HS3ST2: variants seen among roughly 807,000 people sequenced by gnomAD.
The protein encoded by HS3ST2 is heparan sulfate glucosamine 3-O-sulfotransferase 2.
HS3ST2 carries 17 observed loss-of-function variants against 26.3 expected under a neutral mutation model. The ratio of observed to expected loss-of-function variants is 0.65; its 90% CI spans 0.44 to 0.97. HS3ST2 has a LOEUF of 0.97. Ranked by LOEUF, HS3ST2 falls within the 50% of genes least tolerant of loss-of-function variation. HS3ST2 has a pLI of 0.00. For synonymous variants in HS3ST2, 237 were observed against 219.2 expected (o/e 1.08, Z -0.72); for missense variants, 402 against 501.2 (o/e 0.80, Z 1.89).
intron 1 of HS3ST2, among the ~76,000 whole-genome samples, chr16:22,838,737 C>A (rs897872522): frequency 6.6e-6 from 1 of 152,134 alleles, no homozygotes; most frequent in Non-Finnish European, 1.5e-5. Context: ...GGCAGGCAGT[C>A]GATGAAAAGT....
At chr16:22,904,895 G>A (rs1259734917) in intron 1 of HS3ST2, among the ~76,000 whole-genome samples, 2 of 152,222 alleles carry the variant, frequency 1.3e-5, no homozygotes, top group Non-Finnish European at 1.5e-5. Context: ...CCCACGGTAT[G>A]AGAGGGGGCT....
At chr16:22,839,903 A>G (rs557390165) in intron 1 of HS3ST2, among the ~76,000 whole-genome samples, 1 of 152,338 alleles carries the variant, frequency 6.6e-6, no homozygotes, top group East Asian at 1.9e-4. Flanking sequence ...GATCTTTACA[A>G]AGGGCCTTTC....
intron 1 of HS3ST2, among the ~76,000 whole-genome samples, chr16:22,894,796 C>T (rs1414194801): frequency 1.3e-5 from 2 of 151,502 alleles, no homozygotes; most frequent in African/African-American, 4.8e-5. Flanking sequence ...CACTGCACTC[C>T]AGCCTGGGAG....
intron 1 of HS3ST2, among the ~76,000 whole-genome samples, chr16:22,864,882 C>CAA (rs34942780): frequency 1.2e-4 from 7 of 57,126 alleles, no homozygotes; most frequent in Non-Finnish European, 1.8e-4. Flanking sequence ...CCTGTCTCCA[C>CAA]AAAAAAAAAA....
chr16:22,841,219 G>C (rs1285761777), intron 1 of HS3ST2, among the ~76,000 whole-genome samples: 1 of 152,004 alleles, frequency 6.6e-6, no homozygotes, highest in Non-Finnish European at 1.5e-5. Flanking sequence ...CCACCAGCAT[G>C]CCCAGCTAAT....
chr16:22,834,144 T>C (rs1356886452), intron 1 of HS3ST2, among the ~76,000 whole-genome samples: 3 of 152,192 alleles, frequency 2.0e-5, no homozygotes, highest in African/African-American at 7.2e-5. Context: ...TATATCTTTT[T>C]CATTTTTTTG....
At chr16:22,831,959 A>T (rs1426968538) in intron 1 of HS3ST2, among the ~76,000 whole-genome samples, 4 of 152,080 alleles carry the variant, frequency 2.6e-5, no homozygotes, top group Non-Finnish European at 4.4e-5. Flanking sequence ...TTACTGGAAG[A>T]TAATTTTAAA....
At chr16:22,826,238 G>T (rs1188299634) in intron 1 of HS3ST2, among the ~76,000 whole-genome samples, 4 of 152,044 alleles carry the variant, frequency 2.6e-5, no homozygotes, top group Non-Finnish European at 5.9e-5. Context: ...TAGAGGAGGG[G>T]CCCCCACCCA....
chr16:22,882,229 G>A (rs967835907), intron 1 of HS3ST2, among the ~76,000 whole-genome samples: 20 of 152,240 alleles, frequency 1.3e-4, no homozygotes, highest in Non-Finnish European at 2.9e-4. Flanking sequence ...AGGCATGGCG[G>A]TGCACACCTG....
intron 1 of HS3ST2, chr16:22,854,881 C>T (rs1901567681): frequency 6.6e-6 from 1 of 152,186 alleles, no homozygotes. Context: ...CTCAAGTGAT[C>T]CTCCCATCTT....
intron 1 of HS3ST2, among the ~76,000 whole-genome samples, chr16:22,847,871 AAAG>A (rs1414881315): frequency 2.0e-5 from 3 of 147,906 alleles, no homozygotes; most frequent in South Asian, 4.2e-4. Context: ...AAAGAAAAAA[AAAG>A]AAAGAAAGAG....
In HS3ST2 at chr16:22,824,554, G is replaced by GCAAA. The variant is rs145348324; in HGVS notation, c.485+9485_485+9488dup. On this transcript the variant is annotated intron_variant, in intron 1 of 1. Transcript: ENST00000261374. ...AGGGCGAGACTCCGCCAAAAAGCAAGCAAACAAACAAACAAACAAACAAAC... is the reference window on the plus strand; with the variant it reads ...AGGGCGAGACTCCGCCAAAAAGCAAGCAAACAAACAAACAAACAAACAAACAAAC... 1.2e-3 allele frequency among the ~76,000 whole-genome samples: 182 copies of GCAAA among 152,096 alleles called. 3 individuals carry two copies. The highest frequency in any genetic ancestry group is 9.0e-3 in the South Asian group (43 of 4,800).
intron 1 of HS3ST2, among the ~76,000 whole-genome samples, chr16:22,823,513 G>T (rs1035838417): frequency 1.3e-5 from 2 of 152,094 alleles, no homozygotes; most frequent in Non-Finnish European, 1.5e-5. Flanking sequence ...CCAATGATGG[G>T]CTGGGTGCGG....
intron 1 of HS3ST2, among the ~76,000 whole-genome samples, chr16:22,873,364 C>G (rs925127215): frequency 2.0e-5 from 3 of 152,198 alleles, no homozygotes; most frequent in Non-Finnish European, 4.4e-5. Flanking sequence ...AGCTCAAAGG[C>G]TGGAACATGG....
At chr16:22,859,478 T>A (rs184872970) in intron 1 of HS3ST2, among the ~76,000 whole-genome samples, 1 of 152,336 alleles carries the variant, frequency 6.6e-6, no homozygotes, top group Non-Finnish European at 1.5e-5. Flanking sequence ...GCATCACTGA[T>A]TTACTGCTTA....
chr16:22,868,028 C>T lies in HS3ST2; in HGVS notation c.486-46916C>T, dbSNP rs144315139. 5.9e-5 allele frequency among the ~76,000 whole-genome samples: 9 copies of T among 152,094 alleles called. 1 individual carries two copies. Among genetic ancestry groups the T allele is most frequent in the Middle Eastern group, 6.3e-3 (2 of 316 alleles). ...AGTTTTAAAAGGTTACAGAATGATGCGCTCAATTTGTGTGATTCTGCTTTT... is the reference window on the plus strand; with the variant it reads ...AGTTTTAAAAGGTTACAGAATGATGTGCTCAATTTGTGTGATTCTGCTTTT... On this transcript the variant is annotated intron_variant, in intron 1 of 1. Transcript: ENST00000261374.
At chr16:22,870,592 T>C (rs1901823120) in intron 1 of HS3ST2, among the ~76,000 whole-genome samples, 1 of 152,178 alleles carries the variant, frequency 6.6e-6, no homozygotes, top group African/African-American at 2.4e-5. Flanking sequence ...CTACTCTCTT[T>C]TGCCTGTTCT....
chr16:22,862,824 C>T (rs1433945933), intron 1 of HS3ST2, among the ~76,000 whole-genome samples: 1 of 152,208 alleles, frequency 6.6e-6, no homozygotes, highest in East Asian at 1.9e-4. Context: ...ATGAAGGGGG[C>T]AGCCCTCATG....
Position 22,815,021 on chromosome 16 carries a change from C to T in HS3ST2, c.411C>T (p.His137=). The T allele has an allele frequency of 5.6e-6, 9 of 1,613,168 alleles. No homozygotes were observed. The highest frequency in any genetic ancestry group is 7.6e-6 in the Non-Finnish European group (9 of 1,180,020). ...TRAVLEFIRV[H]PDVRALGTEP... is the part of the protein sequence containing the mutation. ...CCGTGCTGGAGTTTATCCGAGTACA[C>T]CCGGACGTGCGGGCCTTGGGCACGG... The change falls in exon 1 of 2, where the codon CAC becomes CAT. Residue 137 remains histidine (H), a synonymous_variant. Coordinates refer to ENST00000261374, the MANE Select transcript of HS3ST2 (RefSeq NM_006043.2).
Sources: allele counts gnomAD v4.1 joint callset (sites outside exome capture counted in the v4.1 genomes callset), GRCh38; gene constraint gnomAD v4.1.1; transcripts MANE v1.5; gene names NCBI Gene and HGNC (gene_info 2026-07-23, HGNC 2026-07-21).